The following WDR90 variants were observed in gnomAD, a reference collection of about 807,000 sequenced individuals.
WDR90 encodes the protein WD repeat domain 90.
A neutral mutation model predicts 195.2 loss-of-function variants in WDR90; 238 were observed. The observed-to-expected ratio is 1.22, with a 90% confidence interval of 1.10 to 1.36. WDR90 has a LOEUF of 1.36. Ranked by LOEUF, WDR90 falls within the 40% of genes most tolerant of loss-of-function variation. WDR90 has a pLI of 0.00. For synonymous variants in WDR90, 1,265 were observed against 1,052.4 expected, an observed-to-expected ratio of 1.20 and a Z score of -3.91; for missense variants, 2,734 against 2,439.5, an observed-to-expected ratio of 1.12 and a Z score of -2.54.
chr16:667,371 G>A, intron 40 of WDR90, 61 bp from the exon 41 acceptor site: 2 of 1,545,196 alleles, frequency 1.3e-6, no homozygotes, highest in Non-Finnish European at 1.7e-6. Flanking sequence ...GGGTGGGTTG[G>A]GGGAGCCCTC....
chr16:661,908 C>T lies in WDR90; in HGVS notation c.3882C>T (p.Val1294=). 6.2e-7 allele frequency: 1 copy of T among 1,609,834 alleles called. No individual in the cohort carries two copies. The highest frequency in any genetic ancestry group is 8.5e-7 in the Non-Finnish European group (1 of 1,179,318). ...DISLQVRREP[V]PEAVGAGELT... ...TTTGCCAGGTGCGTCGAGAGCCAGT[C>T]CCAGAGGCAGTGGGGGCTGGAGAGC... Residue 1294 remains valine (V), a synonymous_variant, in exon 32 of 41, where the codon GTC becomes GTT. Coordinates refer to ENST00000293879, the MANE Select transcript of WDR90 (RefSeq NM_145294.5).
rs1335008444 is a variant in WDR90 at position 659,355 on chromosome 16, A to T, written c.3163A>T (p.Arg1055Trp). The T allele has an allele frequency of 6.3e-7, 1 of 1,593,196 alleles. No homozygotes were observed. Among genetic ancestry groups the T allele is most frequent in the East Asian group, 2.3e-5 (1 of 44,074 alleles). The change falls in exon 26 of 41, where the codon AGG becomes TGG. Residue 1055 changes from arginine (R) to tryptophan (W), a missense_variant. Physicochemically the swap from Arg to Trp is moderately radical, Grantham distance 101. Transcript: ENST00000293879. Reference protein sequence around the residue: ...ASPPRLGVCARPPEGGDGARD... With the variant: ...ASPPRLGVCAWPPEGGDGARD... ...TCCACCACGGCTGGGCGTCTGTGCCAGGCCTCCCGAAGGTGGCGATGGTGA... is the reference window on the plus strand; with the variant it reads ...TCCACCACGGCTGGGCGTCTGTGCCTGGCCTCCCGAAGGTGGCGATGGTGA...
rs531952775 is a variant in WDR90, at chr16:662,119, G to A, written c.4033+60G>A. The A allele has an allele frequency of 1.6e-5, 25 of 1,565,502 alleles. No homozygotes were observed. In the East Asian group the frequency reaches 5.5e-4, roughly 34 times the overall value. ...ACCCCTACCTGGGATCCTCAGAGCT[G>A]GGGCAGAGGCCTCATCTGTAGCCCT... On this transcript the variant is annotated intron_variant, in intron 32 of 40. Transcript: ENST00000293879.
chr16:658,144 C>T (rs2037800851), intron 21 of WDR90, 39 bp from the exon 22 acceptor site: 1 of 1,587,354 alleles, frequency 6.3e-7, no homozygotes, highest in South Asian at 1.1e-5. Flanking sequence ...CGGCTCTGCC[C>T]AGGGGCCCTG....
chr16:655,125 G>T lies in WDR90; in HGVS notation c.1534G>T (p.Val512Phe), dbSNP rs200312738. Reference sequence around the variant, plus strand: ...TGACTTTGACGTCCAGGCCTTCCGGGTCACCTTTTTTGATGAAACCAGGTG... The same window carrying T: ...TGACTTTGACGTCCAGGCCTTCCGGTTCACCTTTTTTGATGAAACCAGGTG... ...HTDFDVQAFR[V>F]TFFDETRMAS... Residue 512 changes from valine to phenylalanine, a missense_variant, in exon 14 of 41, where the codon GTC becomes TTC. By Grantham distance (50) the Val-to-Phe change is conservative (BLOSUM62 -1). Coordinates refer to ENST00000293879, the MANE Select transcript of WDR90 (RefSeq NM_145294.5). 1 of 1,612,808 alleles carries T rather than the reference G, an allele frequency of 6.2e-7. No homozygotes were observed. The highest frequency in any genetic ancestry group is 1.7e-5 in the Admixed American group (1 of 60,024).
intron 32 of WDR90, 42 bp from the exon 33 acceptor site, chr16:662,178 G>T: frequency 6.6e-7 from 1 of 1,520,146 alleles, no homozygotes; most frequent in East Asian, 2.4e-5. Context: ...CAGGGCCTCT[G>T]GGAAGGCAGC....
intron 28 of WDR90, 54 bp from the exon 29 acceptor site, chr16:660,997 C>CAA: frequency 1.2e-5 from 1 of 86,098 alleles, no homozygotes. Flanking sequence ...CAGGCCCCTC[C>CAA]CCGCCCCCCC....
chr16:661,924 G>C lies in WDR90; in HGVS notation c.3898G>C (p.Ala1300Pro). Reference sequence around the variant, plus strand: ...AGAGCCAGTCCCAGAGGCAGTGGGGGCTGGAGAGCTGACCTCGCTCTGCTA... The same window carrying C: ...AGAGCCAGTCCCAGAGGCAGTGGGGCCTGGAGAGCTGACCTCGCTCTGCTA... ...RREPVPEAVG[A>P]GELTSLCYGA... Residue 1300 changes from alanine (A) to proline (P), a missense_variant, in exon 32 of 41, where the codon GCT becomes CCT. Coordinates refer to ENST00000293879, the MANE Select transcript of WDR90 (RefSeq NM_145294.5). 1.2e-6 allele frequency: 2 copies of C among 1,609,784 alleles called. No homozygotes were observed. Among genetic ancestry groups the C allele is most frequent in the South Asian group, 2.2e-5 (2 of 91,076 alleles).
chr16:651,325 G>A (rs1443978605), intron 7 of WDR90, 59 bp downstream of exon 7: 191 of 1,576,752 alleles, frequency 1.2e-4, no homozygotes, highest in Non-Finnish European at 1.6e-4. Flanking sequence ...GTGGGGCTCG[G>A]TAGGAGAGGG....
rs1160739987 is a variant in WDR90, at chr16:650,037, C to G, written c.149C>G (p.Ser50Cys). Residue 50 changes from serine (S) to cysteine (C), a missense_variant, in exon 3 of 41, where the codon TCT (serine) becomes TGT (cysteine). Physicochemically the swap from Ser to Cys is moderately radical, Grantham distance 112. Coordinates refer to ENST00000293879, the MANE Select transcript of WDR90 (RefSeq NM_145294.5). Reference protein sequence around the residue: ...GAVYRIRGSVSAANYIQLPKS... With the variant: ...GAVYRIRGSVCAANYIQLPKS... ...GTGTATCGCATTCGGGGCTCAGTCTCTGCCGCCAACTACATCCAGCTCCCT... is the reference window on the plus strand; with the variant it reads ...GTGTATCGCATTCGGGGCTCAGTCTGTGCCGCCAACTACATCCAGCTCCCT... The G allele has an allele frequency of 6.2e-7, 1 of 1,612,774 alleles. No individual in the cohort carries two copies. Among genetic ancestry groups the G allele is most frequent in the Non-Finnish European group, 8.5e-7 (1 of 1,179,994 alleles).
chr16:649,540 G>C, intron 1 of WDR90, 114 bp downstream of exon 1: 1 of 1,242,720 alleles, frequency 8.0e-7, no homozygotes, highest in Non-Finnish European at 1.0e-6. Flanking sequence ...CAGAGTCCCC[G>C]CTCAGGCAGG....
rs549180339 is a variant in WDR90, at chr16:658,006, C to T, written c.2604+114C>T. On this transcript the variant is annotated intron_variant, in intron 21 of 40. Transcript: ENST00000293879. ...CAGGACCCAGGCCCTGTCCCGCCTC[C>T]TGTCGCAGAGTACACATCAGCCATG... The T allele has an allele frequency of 1.1e-4, 167 of 1,456,338 alleles. 1 individual carries two copies. In the African/African-American group the frequency reaches 1.9e-3, roughly 17 times the overall value. The allele number at this position is 1,456,338 out of a possible 1,614,324, so 90.2% of individuals were successfully genotyped here.
rs1351026227 is a variant in WDR90 at position 666,008 on chromosome 16, TAGC to T, written c.4494_4496del (p.Ala1500del). 11 of 1,603,986 alleles carry T rather than the reference TAGC, an allele frequency of 6.9e-6. No individual in the cohort carries two copies. Among genetic ancestry groups the T allele is most frequent in the Non-Finnish European group, 9.3e-6 (11 of 1,179,720 alleles). ...TGTGGCCGCCCTGAGCAGCAGCGGC[TAGC>T]GGCTGGCTACGGTGACGGCTCCCTG... On this transcript the variant is annotated inframe_deletion, in exon 36 of 41. Transcript: ENST00000293879.
chr16:660,989 GGCCCCTCCCCGCCC>G, intron 28 of WDR90, 48 bp from the exon 29 acceptor site: 2 of 24,684 alleles, frequency 8.1e-5, no homozygotes, highest in Non-Finnish European at 1.2e-4. Flanking sequence ...CCCCTCCCCA[GGCCCCTCCCCGCCC>G]CCCCCCCCCC....
rs950519822 is a variant in WDR90, at chr16:652,534, A to C, written c.1121A>C (p.Gln374Pro). Residue 374 changes from glutamine (Q) to proline (P), a missense_variant and splice_region_variant, in exon 10 of 41, where the codon CAG becomes CCG. Physicochemically the swap from Gln to Pro is moderately conservative, Grantham distance 76 (BLOSUM62 -1). Coordinates refer to ENST00000293879, the MANE Select transcript of WDR90 (RefSeq NM_145294.5). ...GGCTTTGGGGGCCACGGCACCAGAC[A>C]GGTGAGGCTCCTGCGGCTGTGTCCA... ...VIGFGGHGTR[Q>P]ALWTPDGAAV... The C allele has an allele frequency of 1.9e-6, 3 of 1,605,702 alleles. No individual in the cohort carries two copies. Among genetic ancestry groups the C allele is most frequent in the Non-Finnish European group, 2.6e-6 (3 of 1,175,614 alleles).
chr16:667,796 T>A lies in WDR90; in HGVS notation c.*207T>A. 1 of 708,858 alleles carries A rather than the reference T, an allele frequency of 1.4e-6. No homozygotes were observed. Among genetic ancestry groups the A allele is most frequent in the Non-Finnish European group, 2.5e-6 (1 of 407,546 alleles). The allele number at this position is 708,858 out of a possible 1,614,324, so 43.9% of individuals were successfully genotyped here. A position where few individuals can be genotyped will look rare whatever the true frequency, so the allele number is the denominator to read the frequency against. ...CCTTTTGCCTAAGAAATCTTTAATG[T>A]TTCTATCTTGTAATAAACATGGGCA... is the stretch of plus-strand genomic sequence containing the variant. On this transcript the variant is annotated 3_prime_UTR_variant, in exon 41 of 41. Transcript: ENST00000293879.
intron 20 of WDR90, chr16:657,473 CA>C: frequency 1.4e-6 from 1 of 711,332 alleles, no homozygotes; most frequent in Non-Finnish European, 2.2e-6. Context: ...TCCAGGTCAG[CA>C]GCTGGAGTCA....
chr16:653,704 G>C, intron 12 of WDR90, 34 bp downstream of exon 12: 2 of 1,613,206 alleles, frequency 1.2e-6, no homozygotes, highest in Non-Finnish European at 1.7e-6. Flanking sequence ...AGGGGGAGGG[G>C]GTCAGCCCAG....
In WDR90 at chr16:661,715, G is replaced by A. The variant is rs545366018; in HGVS notation, c.3792G>A (p.Glu1264=). The A allele has an allele frequency of 2.5e-6, 4 of 1,612,416 alleles. No homozygotes were observed. In the South Asian group the frequency reaches 4.4e-5, roughly 18 times the overall value. ...GVAFNPWDAG[E]LTCVGQGTVT... ...CCTTCAACCCCTGGGACGCCGGCGA[G>A]CTCACCTGTGTGGGCCAGGGCACTG... Residue 1264 remains glutamate (E), a synonymous_variant, in exon 31 of 41, where the codon GAG becomes GAA. Transcript: ENST00000293879.
Sources: gnomAD v4.1 joint callset for allele counts on GRCh38, gnomAD v4.1.1 for gene constraint, MANE v1.5 for transcripts, NCBI Gene and HGNC (gene_info 2026-07-23, HGNC 2026-07-21) for gene names.